Variants in SORBS2 observed in about 807,000 individuals in gnomAD.
The protein encoded by SORBS2 is sorbin and SH3 domain containing 2, also known as sorbin and SH3 domain-containing protein 2.
In SORBS2, 46 loss-of-function variants were observed where a neutral mutation model predicts 97.7. That is an observed-to-expected ratio of 0.47 (90% CI 0.37 to 0.60). The LOEUF (loss-of-function observed/expected upper bound fraction) is 0.60, where lower values mean the gene tolerates loss of function less well. Ranked by LOEUF, SORBS2 falls within the 20% of genes least tolerant of loss-of-function variation. The pLI is 0.00. For missense variants in SORBS2, 1,316 were observed against 1,282.3 expected (o/e 1.03, Z -0.40); for synonymous variants, 476 against 473.4 (o/e 1.01, Z -0.07).
chr4:185,683,233 T>C (rs969488292), intron 2 of SORBS2, among the ~76,000 whole-genome samples: 2 of 152,074 alleles, frequency 1.3e-5, no homozygotes, highest in East Asian at 3.9e-4. Context: ...AAATGTTTTT[T>C]TTTTCTTTTT....
At chr4:185,883,970 A>G (rs1461789738) in intron 1 of SORBS2, among the ~76,000 whole-genome samples, 1 of 152,242 alleles carries the variant, frequency 6.6e-6, no homozygotes, top group Non-Finnish European at 1.5e-5. Flanking sequence ...GATGTTATCC[A>G]TAAGACTTTC....
chr4:185,657,463 C>T (rs757095912), upstream of SORBS2: 30 of 1,565,094 alleles, frequency 1.9e-5, no homozygotes, highest in African/African-American at 2.9e-4. Flanking sequence ...CATCCACGGG[C>T]CCGATCCCTG....
intron 1 of SORBS2, among the ~76,000 whole-genome samples, chr4:185,837,844 G>GAAA (rs376421948): frequency 3.2e-4 from 45 of 142,232 alleles, no homozygotes; most frequent in African/African-American, 5.9e-4. Context: ...TTCTTTAATA[G>GAAA]AAAAAAAAAA....
At chr4:185,748,559 C>T (rs1026608158) in intron 2 of SORBS2, among the ~76,000 whole-genome samples, 1 of 152,118 alleles carries the variant, frequency 6.6e-6, no homozygotes, top group Non-Finnish European at 1.5e-5. Context: ...GCAAGGGAGG[C>T]CTCACGAGCA....
intron 12 of SORBS2, among the ~76,000 whole-genome samples, chr4:185,602,421 C>G (rs540715212): frequency 6.6e-6 from 1 of 152,306 alleles, no homozygotes; most frequent in East Asian, 1.9e-4. Context: ...ATGTATCTTT[C>G]AGTCATCTGT....
chr4:185,615,290 C>A, intron 9 of SORBS2, 131 bp from the exon 22 acceptor site: 1 of 641,644 alleles, frequency 1.6e-6, no homozygotes, highest in Admixed American at 2.5e-5. Context: ...GATATTGAGT[C>A]CGATTAGATA....
chr4:185,746,347 C>T (rs1286862933), intron 2 of SORBS2, among the ~76,000 whole-genome samples: 1 of 152,170 alleles, frequency 6.6e-6, no homozygotes, highest in Non-Finnish European at 1.5e-5. Context: ...CACAGAGTCT[C>T]ACTCTGTCGC....
intron 1 of SORBS2, among the ~76,000 whole-genome samples, chr4:185,796,420 C>A (rs2099104808): frequency 6.6e-6 from 1 of 152,386 alleles, no homozygotes; most frequent in South Asian, 2.1e-4. Context: ...TCCCAGGGCC[C>A]TGCAGATTTA....
In SORBS2 at chr4:185,785,513, G is replaced by C. The variant is rs1220657281; in HGVS notation, c.-337-10147C>G. Among the ~76,000 whole-genome samples, 2 of 152,312 alleles carry C rather than the reference G, an allele frequency of 1.3e-5. 1 individual carries two copies. Among genetic ancestry groups the C allele is most frequent in the South Asian group, 4.1e-4 (2 of 4,820 alleles). On this transcript the variant is annotated intron_variant, in intron 1 of 20. Transcript: ENST00000284776. ...TTTCTAGTCACATGTGCCAAGAGCT[G>C]TGTGAGAGTGTAATGATGGAGAGCG... is the stretch of plus-strand genomic sequence containing the variant.
chr4:185,950,160 G>C (rs1366317050), intron 1 of SORBS2, among the ~76,000 whole-genome samples: 1 of 151,866 alleles, frequency 6.6e-6, no homozygotes. Context: ...GCTGAGGCAG[G>C]AGAATCGTTT....
chr4:185,688,570 A>T (rs2098025613), intron 2 of SORBS2, among the ~76,000 whole-genome samples: 1 of 152,108 alleles, frequency 6.6e-6, no homozygotes, highest in African/African-American at 2.4e-5. Context: ...TATTTTGGGG[A>T]TGAGAAAAAT....
At chr4:185,885,725 C>T (rs550005651) in intron 1 of SORBS2, among the ~76,000 whole-genome samples, 102 of 152,274 alleles carry the variant, frequency 6.7e-4, no homozygotes, top group African/African-American at 2.1e-3. Flanking sequence ...TTTAAGATTC[C>T]TCTAGAATAT....
At chr4:185,630,436 C>G (rs2096888276) in intron 5 of SORBS2, 113 bp downstream of exon 17, 1 of 537,680 alleles carries the variant, frequency 1.9e-6, no homozygotes, top group East Asian at 3.3e-5. Context: ...CATGGTACTT[C>G]AAATAAAAAT....
At chr4:185,734,340 C>T (rs879262630) in intron 2 of SORBS2, among the ~76,000 whole-genome samples, 186 bp from the exon 3 acceptor site, 3 of 152,166 alleles carry the variant, frequency 2.0e-5, no homozygotes, top group Non-Finnish European at 4.4e-5. Context: ...TGGATACTTA[C>T]TGTTTTTAGT....
intron 1 of SORBS2, among the ~76,000 whole-genome samples, chr4:185,798,962 A>G (rs2099118411): frequency 6.6e-6 from 1 of 152,148 alleles, no homozygotes; most frequent in South Asian, 2.1e-4. Flanking sequence ...AACTTGAAAT[A>G]CTCATGTGCT....
chr4:185,886,302 T>C (rs977319877), intron 1 of SORBS2, among the ~76,000 whole-genome samples: 2 of 152,004 alleles, frequency 1.3e-5, no homozygotes, highest in African/African-American at 4.8e-5. Flanking sequence ...ACGCCTGTAA[T>C]CCCAGCACTT....
At chr4:185,940,131 G>A (rs773479956) in intron 1 of SORBS2, among the ~76,000 whole-genome samples, 1 of 152,066 alleles carries the variant, frequency 6.6e-6, no homozygotes, top group African/African-American at 2.4e-5. Flanking sequence ...CTGGTCCATG[G>A]CCTTCCCACC....
At chr4:185,942,950 A>G (rs1761524532) in intron 1 of SORBS2, among the ~76,000 whole-genome samples, 1 of 152,238 alleles carries the variant, frequency 6.6e-6, no homozygotes, top group Non-Finnish European at 1.5e-5. Context: ...TTACACCCAG[A>G]TGATGAACTG....
rs373553085 is a variant in SORBS2 at position 185,952,466 on chromosome 4, C to G, written c.-338+3730G>C. Among the ~76,000 whole-genome samples the G allele has an allele frequency of 6.6e-5, 10 of 152,324 alleles. No homozygotes were observed. The East Asian group carries it at 1.5e-3, about 24-fold the overall frequency. On this transcript the variant is annotated intron_variant, in intron 1 of 20. Coordinates refer to the SORBS2 transcript ENST00000284776. ...CCCATTGCCCATGCCTGGGCAATAC[C>G]CTGAGTATTTGGTCCTTGAGTAGCA...
Sources: gnomAD v4.1 joint callset for allele counts (sites outside exome capture counted in the v4.1 genomes callset) on GRCh38, gnomAD v4.1.1 for gene constraint, MANE v1.5 for transcripts, NCBI Gene and HGNC (gene_info 2026-07-23, HGNC 2026-07-21) for gene names.